The following MYZAP variants were observed in gnomAD, a reference collection of about 807,000 sequenced individuals.
The protein encoded by MYZAP is myocardial zonula adherens protein, also known as GRINL1A complex locus upstream.
A neutral mutation model predicts 69.4 loss-of-function variants in MYZAP; 66 were observed. The ratio of observed to expected loss-of-function variants is 0.95; its 90% CI spans 0.78 to 1.17. The LOEUF (loss-of-function observed/expected upper bound fraction) is 1.17, where lower values mean the gene tolerates loss of function less well. Ranked by LOEUF, MYZAP falls within the 50% of genes most tolerant of loss-of-function variation. MYZAP has a pLI of 0.00. For synonymous variants in MYZAP, 256 were observed against 205.9 expected, an observed-to-expected ratio of 1.24 and a Z score of -2.09; for missense variants, 611 against 556.2, an observed-to-expected ratio of 1.10 and a Z score of -0.99.
At chr15:57,630,803 A>G (rs969647629) in intron 6 of MYZAP, among the ~76,000 whole-genome samples, 7 of 152,244 alleles carry the variant, frequency 4.6e-5, no homozygotes, top group Admixed American at 3.9e-4. Context: ...TGCTCAGCAC[A>G]GACTTAGGCT....
intron 11 of MYZAP, among the ~76,000 whole-genome samples, chr15:57,672,503 G>T (rs1020074017): frequency 2.1e-5 from 2 of 95,972 alleles, no homozygotes; most frequent in Non-Finnish European, 4.6e-5. Context: ...GGATCAGTGT[G>T]TTGAGTGCAT....
chr15:57,672,492 A>G (rs577950194), intron 11 of MYZAP, among the ~76,000 whole-genome samples: 1 of 145,712 alleles, frequency 6.9e-6, no homozygotes, highest in East Asian at 2.1e-4. Context: ...GAGTTGCAGC[A>G]GGATCAGTGT....
At chr15:57,610,677 A>T (rs2451181) in intron 2 of MYZAP, among the ~76,000 whole-genome samples, 8,453 of 152,254 alleles carry the variant, frequency 0.056, 611 homozygotes, top group African/African-American at 0.16. Flanking sequence ...ACGTTGATAA[A>T]TGTGGAAGTT....
Position 57,633,329 on chromosome 15 carries a change from A to T in MYZAP, c.805-284A>T, listed in dbSNP as rs190891955. ...ACATTCTGAGCATCTACTCAATGTT[A>T]TTAAACATTTGTAGGCCTCTTTTAC... On this transcript the variant is annotated intron_variant, in intron 7 of 12. Coordinates refer to ENST00000267853, the MANE Select transcript of MYZAP (RefSeq NM_001018100.5). Among the ~76,000 whole-genome samples the T allele has an allele frequency of 3.9e-5, 6 of 152,318 alleles. No homozygotes were observed. The East Asian group carries it at 9.6e-4, about 24-fold the overall frequency.
intron 2 of MYZAP, among the ~76,000 whole-genome samples, chr15:57,611,800 T>G (rs1595864412): frequency 6.6e-6 from 1 of 152,126 alleles, no homozygotes; most frequent in African/African-American, 2.4e-5. Context: ...TATTCCCAGG[T>G]GCAATCATAG....
intron 10 of MYZAP, among the ~76,000 whole-genome samples, chr15:57,640,194 C>A (rs1321771535): frequency 1.3e-5 from 2 of 152,130 alleles, no homozygotes; most frequent in African/African-American, 4.8e-5. Context: ...ATTTCTATTT[C>A]TCTAAGAGGA....
intron 6 of MYZAP, among the ~76,000 whole-genome samples, chr15:57,630,378 A>G (rs1447031142): frequency 6.6e-6 from 1 of 152,172 alleles, no homozygotes; most frequent in East Asian, 1.9e-4. Flanking sequence ...TGTAACTGAG[A>G]AGACGCTTGG....
At chr15:57,669,645 G>T (rs933884466) in intron 11 of MYZAP, among the ~76,000 whole-genome samples, 1 of 151,936 alleles carries the variant, frequency 6.6e-6, no homozygotes, top group Non-Finnish European at 1.5e-5. Flanking sequence ...ATTGACTTTT[G>T]CCCTGATGTT....
intron 10 of MYZAP, among the ~76,000 whole-genome samples, chr15:57,643,682 A>G (rs1474640758): frequency 6.6e-6 from 1 of 152,100 alleles, no homozygotes; most frequent in Non-Finnish European, 1.5e-5. Context: ...CATTTTTGCC[A>G]ATGGGCAGGG....
intron 3 of MYZAP, among the ~76,000 whole-genome samples, chr15:57,620,108 C>T (rs1265207760): frequency 6.6e-6 from 1 of 152,192 alleles, no homozygotes; most frequent in Non-Finnish European, 1.5e-5. Flanking sequence ...CACATGAAAG[C>T]CGTTCTGCCT....
intron 3 of MYZAP, 69 bp downstream of exon 3, chr15:57,618,257 A>G: frequency 6.5e-7 from 1 of 1,550,128 alleles, no homozygotes; most frequent in Non-Finnish European, 8.7e-7. Flanking sequence ...ATGGAGTTGG[A>G]AGCATTGAAG....
intron 11 of MYZAP, among the ~76,000 whole-genome samples, chr15:57,671,474 C>G (rs1189648738): frequency 2.0e-5 from 3 of 151,936 alleles, no homozygotes; most frequent in African/African-American, 7.2e-5. Flanking sequence ...CAGTAATTTT[C>G]TGCTTTAGTT....
At chr15:57,628,086 G>C (rs1324572846) in intron 5 of MYZAP, among the ~76,000 whole-genome samples, 1 of 152,152 alleles carries the variant, frequency 6.6e-6, no homozygotes, top group Non-Finnish European at 1.5e-5. Flanking sequence ...AGAGCACAGA[G>C]GTGTTAGAAA....
chr15:57,621,779 G>C, intron 4 of MYZAP, 79 bp downstream of exon 4: 1 of 1,315,814 alleles, frequency 7.6e-7, no homozygotes, highest in Non-Finnish European at 1.1e-6. Context: ...AGTGCCTAAA[G>C]ATATTAGAGT....
chr15:57,662,865 G>T (rs2038379943), intron 11 of MYZAP, among the ~76,000 whole-genome samples: 1 of 152,196 alleles, frequency 6.6e-6, no homozygotes, highest in South Asian at 2.1e-4. Flanking sequence ...CCTTACAGCA[G>T]TCATAACCAG....
intron 10 of MYZAP, among the ~76,000 whole-genome samples, chr15:57,651,931 T>C (rs2037748318): frequency 6.6e-6 from 1 of 152,198 alleles, no homozygotes; most frequent in Non-Finnish European, 1.5e-5. Flanking sequence ...ATCTTTAATA[T>C]AAGATAGAAA....
At chr15:57,648,394 TGGCCATAGAAACTATGTGA>T (rs1210820198) in intron 10 of MYZAP, 7 of 985,336 alleles carry the variant, frequency 7.1e-6, no homozygotes, top group African/African-American at 1.7e-5. Flanking sequence ...GCCCAGTTTC[TGGCCATAGAAACTATGTGA>T]GGCTGAGTAA....
rs115320709 is a variant in MYZAP, at chr15:57,643,094, G to A, written c.1119+3549G>A. On this transcript the variant is annotated intron_variant, in intron 10 of 12. Coordinates refer to ENST00000267853, the MANE Select transcript of MYZAP (RefSeq NM_001018100.5). The stretch of plus-strand genomic sequence containing the variant: ...TCACTAGTTCTTCCAGCTGATTCTG[G>A]CTTTGATAAAAATGAGAGAACAAAG... 1.5e-3 allele frequency among the ~76,000 whole-genome samples: 226 copies of A among 152,220 alleles called. 1 individual carries two copies. The highest frequency in any genetic ancestry group is 5.2e-3 in the African/African-American group (217 of 41,524).
intron 10 of MYZAP, among the ~76,000 whole-genome samples, chr15:57,640,524 T>A (rs139712749): frequency 2.0e-5 from 3 of 152,354 alleles, no homozygotes; most frequent in Admixed American, 2.0e-4. Context: ...GTTTTATTAA[T>A]GAATTATTAA....
Sources: gnomAD v4.1 joint callset for allele counts (sites outside exome capture counted in the v4.1 genomes callset) on GRCh38, gnomAD v4.1.1 for gene constraint, MANE v1.5 for transcripts, NCBI Gene and HGNC (gene_info 2026-07-23, HGNC 2026-07-21) for gene names.